SLC35D4: variants seen among roughly 807,000 people sequenced by gnomAD.
SLC35D4 encodes UDP-N-acetylglucosamine transporter SLC35D4.
At chr18:23,266,578 G>A in the SLC35D4 span, among the ~76,000 whole-genome samples, 4 of 152,316 alleles carry the variant, frequency 2.6e-5, no homozygotes, top group African/African-American at 9.6e-5. Flanking sequence ...AGCTGGGACC[G>A]GTGATGTCCT....
At chr18:23,289,188 A>T in the SLC35D4 span, among the ~76,000 whole-genome samples, 21 of 152,286 alleles carry the variant, frequency 1.4e-4, no homozygotes, top group East Asian at 3.1e-3. Context: ...TGTTTCTCCA[A>T]GCCATCACAG....
chr18:23,430,687 A>T, the SLC35D4 span: 1 of 1,610,882 alleles, frequency 6.2e-7, no homozygotes. Context: ...ACTGAAAAAC[A>T]AACACCAAAT....
the SLC35D4 span, among the ~76,000 whole-genome samples, chr18:23,403,747 C>A: frequency 1.3e-5 from 2 of 152,126 alleles, no homozygotes; most frequent in Admixed American, 6.6e-5. Flanking sequence ...TTTTGGGACA[C>A]CCAAGCAGAG....
chr18:23,399,451 C>T, the SLC35D4 span: 1 of 921,344 alleles, frequency 1.1e-6, no homozygotes, highest in South Asian at 1.6e-5. Context: ...TAATAGGTCC[C>T]ATTATTATCA....
At chr18:23,290,601 C>A in the SLC35D4 span, among the ~76,000 whole-genome samples, 2 of 151,286 alleles carry the variant, frequency 1.3e-5, no homozygotes, top group Non-Finnish European at 2.9e-5. Context: ...GCCTTATTAC[C>A]TTAAAAGCAT....
chr18:23,377,628 G>A, the SLC35D4 span: 1 of 1,572,684 alleles, frequency 6.4e-7, no homozygotes, highest in Non-Finnish European at 8.6e-7. Context: ...CTTTTTGGGG[G>A]GAGGGCAGTA....
chr18:23,370,145 C>T, the SLC35D4 span: 6 of 1,388,920 alleles, frequency 4.3e-6, no homozygotes, highest in East Asian at 1.2e-4. Flanking sequence ...CGCCATTGCA[C>T]TCCAGATCAC....
chr18:23,393,965 CA>C, the SLC35D4 span, among the ~76,000 whole-genome samples: 1 of 152,124 alleles, frequency 6.6e-6, no homozygotes. Flanking sequence ...CATCAATGGG[CA>C]CTGAGATTGC....
At chr18:23,394,840 A>T in the SLC35D4 span, among the ~76,000 whole-genome samples, 2 of 152,080 alleles carry the variant, frequency 1.3e-5, no homozygotes, top group African/African-American at 4.8e-5. Flanking sequence ...AAAAGTAGCC[A>T]GGCGTGGTGG....
the SLC35D4 span, among the ~76,000 whole-genome samples, chr18:23,437,058 T>C: frequency 6.6e-6 from 1 of 152,058 alleles, no homozygotes; most frequent in Non-Finnish European, 1.5e-5. Flanking sequence ...GGCCAGCAGG[T>C]AATGCCCCAG....
chr18:23,257,083 C>T, the SLC35D4 span: 2 of 869,772 alleles, frequency 2.3e-6, no homozygotes, highest in Non-Finnish European at 3.5e-6. Context: ...CAGCCTGTGC[C>T]TCCCTTTCTT....
chr18:23,386,636 C>T, the SLC35D4 span, among the ~76,000 whole-genome samples: 11 of 141,812 alleles, frequency 7.8e-5, no homozygotes, highest in African/African-American at 1.6e-4. Flanking sequence ...GTACTGGCAG[C>T]GAAGATGGAG....
the SLC35D4 span, among the ~76,000 whole-genome samples, chr18:23,270,132 G>C: frequency 6.6e-6 from 1 of 152,206 alleles, no homozygotes; most frequent in African/African-American, 2.4e-5. Flanking sequence ...CCTAGGGCTG[G>C]GCCCAGGGCT....
the SLC35D4 span, among the ~76,000 whole-genome samples, chr18:23,285,716 G>GGCCAA: frequency 7.3e-5 from 11 of 151,702 alleles, no homozygotes; most frequent in Non-Finnish European, 1.3e-4. Context: ...CTCCTCCCCA[G>GGCCAA]GCTAAGTCCC....
the SLC35D4 span, among the ~76,000 whole-genome samples, chr18:23,372,026 C>T: frequency 7.4e-6 from 1 of 134,804 alleles, no homozygotes; most frequent in Non-Finnish European, 1.6e-5. Flanking sequence ...AGCTCCGCCT[C>T]CCGGGTTCAC....
the SLC35D4 span, among the ~76,000 whole-genome samples, chr18:23,319,268 ATTTATTTATTT>A: frequency 6.7e-6 from 1 of 149,734 alleles, no homozygotes; most frequent in African/African-American, 2.5e-5. Flanking sequence ...TTATTTATTT[ATTTATTTATTT>A]ATTTATTTAG....
chr18:23,341,846 A>T, the SLC35D4 span, among the ~76,000 whole-genome samples: 1 of 152,232 alleles, frequency 6.6e-6, no homozygotes, highest in Non-Finnish European at 1.5e-5. Context: ...AAACCACAGC[A>T]GCCAATTAAA....
the SLC35D4 span, among the ~76,000 whole-genome samples, chr18:23,242,449 T>A: frequency 6.6e-6 from 1 of 152,186 alleles, no homozygotes; most frequent in South Asian, 2.1e-4. Flanking sequence ...TGCTTCCAGC[T>A]CTCTGCACCT....
chr18:23,364,631 G>A, the SLC35D4 span, among the ~76,000 whole-genome samples: 50 of 152,212 alleles, frequency 3.3e-4, no homozygotes, highest in Non-Finnish European at 6.0e-4. Context: ...CTGGCCGGGC[G>A]CAGTGGCTCA....
Sources: allele counts gnomAD v4.1 joint callset (sites outside exome capture counted in the v4.1 genomes callset), GRCh38; gene constraint gnomAD v4.1.1; transcripts MANE v1.5; gene names NCBI Gene and HGNC (gene_info 2026-07-23, HGNC 2026-07-21).